The following CALU variants were observed in gnomAD, a reference collection of about 807,000 sequenced individuals.
CALU encodes the protein calumenin.
Under a neutral mutation model 37.5 loss-of-function variants are expected in CALU, and 13 were observed. The observed-to-expected ratio is 0.35, with a 90% CI of 0.23 to 0.55. The LOEUF (loss-of-function observed/expected upper bound fraction) is 0.55. Ranked by LOEUF, CALU falls within the 20% of genes least tolerant of loss-of-function variation. The pLI is 0.89. For synonymous variants in CALU, 114 were observed against 133.8 expected (o/e 0.85, Z 1.02); for missense variants, 282 against 391.7 (o/e 0.72, Z 2.36).
rs763463415 is a variant in CALU, at chr7:128,767,548, G to A, written c.736G>A (p.Asp246Asn). The A allele has an allele frequency of 2.5e-6, 4 of 1,614,050 alleles. No homozygotes were observed. Among genetic ancestry groups the A allele is most frequent in the Non-Finnish European group, 3.4e-6 (4 of 1,179,888 alleles). ...QFVEFRDKNR[D>N]GKMDKEETKD... is the part of the protein sequence containing the mutation. ...TGTTGAGTTTCGGGATAAGAACCGT[G>A]ATGGGAAGATGGACAAGGAAGAGAC... The change falls in exon 6 of 7, where the codon GAT becomes AAT. Residue 246 changes from aspartate (D) to asparagine (N), a missense_variant. Coordinates refer to ENST00000249364, the MANE Select transcript of CALU (RefSeq NM_001219.5).
In CALU at chr7:128,769,103, A is replaced by G; in HGVS notation, c.884A>G (p.Asp295Gly). 1 of 1,613,330 alleles carries G rather than the reference A, an allele frequency of 6.2e-7. No individual in the cohort carries two copies. The highest frequency in any genetic ancestry group is 8.5e-7 in the Non-Finnish European group (1 of 1,179,340). Residue 295 changes from aspartate to glycine, a missense_variant, in exon 7 of 7, where the codon GAC (aspartate) becomes GGC (glycine). Transcript: ENST00000249364. ...LTKEEIVDKY[D>G]LFVGSQATDF... ...AAGGAGGAGATCGTTGACAAGTATG[A>G]CTTATTTGTTGGCAGCCAGGCCACA...
intron 3 of CALU, among the ~76,000 whole-genome samples, chr7:128,757,358 A>AGTGT (rs10638444): frequency 0.2 from 29,717 of 146,052 alleles, 3,161 homozygotes; most frequent in African/African-American, 0.28. Flanking sequence ...TATGGCTTTG[A>AGTGT]GTGTGTGTGT....
intron 1 of CALU, among the ~76,000 whole-genome samples, chr7:128,741,969 TTTC>T (rs1800259106): frequency 6.6e-6 from 1 of 152,226 alleles, no homozygotes; most frequent in Non-Finnish European, 1.5e-5. Context: ...TCTCAGGGTT[TTTC>T]TTCTGCAGCC....
chr7:128,769,232 ATTGT>A lies in CALU; in HGVS notation c.*69_*72del. The A allele has an allele frequency of 4.5e-6, 4 of 885,008 alleles. No individual in the cohort carries two copies. Among genetic ancestry groups the A allele is most frequent in the Non-Finnish European group, 5.4e-6 (3 of 553,932 alleles). The allele number at this position is 885,008 out of a possible 1,614,324, so 54.8% of individuals were successfully genotyped here. ...TTTACAGCTTCTGGTTTCACATGAA[ATTGT>A]TTGCGCTACTGAGACTGTTACTACA... On this transcript the variant is annotated 3_prime_UTR_variant, in exon 7 of 7. Transcript: ENST00000249364.
rs1562882906 is a variant in CALU at position 128,767,547 on chromosome 7, T to C, written c.735T>C (p.Arg245=). 6.2e-7 allele frequency: 1 copy of C among 1,613,960 alleles called. No homozygotes were observed. The highest frequency in any genetic ancestry group is 1.7e-5 in the Admixed American group (1 of 60,014). The change falls in exon 6 of 7, where the codon CGT becomes CGC. Residue 245 remains arginine, a synonymous_variant. Coordinates refer to ENST00000249364, the MANE Select transcript of CALU (RefSeq NM_001219.5). ...EQFVEFRDKN[R]DGKMDKEETK... is the part of the protein sequence containing the mutation. ...TTGTTGAGTTTCGGGATAAGAACCG[T>C]GATGGGAAGATGGACAAGGAAGAGA...
In CALU at chr7:128,748,814, C is replaced by A. The variant is rs770774637; in HGVS notation, c.221+10C>A. 6.3e-7 allele frequency: 1 copy of A among 1,579,708 alleles called. No individual in the cohort carries two copies. Among genetic ancestry groups the A allele is most frequent in the South Asian group, 1.1e-5 (1 of 90,362 alleles). ...GCAAGGAAAGGCTTGGGTAAGGTAC[C>A]ACCTCTCAGGGGTCTAGTGTGGGTA... On this transcript the variant is annotated intron_variant, in intron 2 of 6. Coordinates refer to ENST00000249364, the MANE Select transcript of CALU (RefSeq NM_001219.5).
chr7:128,741,171 T>C (rs987605266), intron 1 of CALU, among the ~76,000 whole-genome samples: 17 of 152,346 alleles, frequency 1.1e-4, no homozygotes, highest in Admixed American at 2.6e-4. Context: ...AACTCTTAAG[T>C]ATGGATGTTG....
intron 3 of CALU, among the ~76,000 whole-genome samples, chr7:128,756,008 C>T (rs1373881801): frequency 6.6e-6 from 1 of 152,164 alleles, no homozygotes; most frequent in Non-Finnish European, 1.5e-5. Flanking sequence ...GGCTTGTTCT[C>T]ATTCCTAAGA....
intron 4 of CALU, 113 bp downstream of exon 4, chr7:128,759,150 C>T: frequency 1.4e-6 from 1 of 734,588 alleles, no homozygotes; most frequent in Non-Finnish European, 2.2e-6. Flanking sequence ...TGCTATATAG[C>T]ATATCACTGT....
Position 128,771,199 on chromosome 7 carries a change from A to G in CALU, c.*2032A>G, listed in dbSNP as rs1299575219. 1 of 152,460 alleles carries G rather than the reference A, an allele frequency of 6.6e-6. No individual in the cohort carries two copies. The highest frequency in any genetic ancestry group is 1.5e-5 in the Non-Finnish European group (1 of 68,058). The allele number at this position is 152,460 out of a possible 1,614,324, so 9.4% of individuals were successfully genotyped here. Reference sequence around the variant, plus strand: ...CAGAGAGCCCAGGCCTTATGTTAAAATCATGCACTTGAAAAGCAAACCTTA... The same window carrying G: ...CAGAGAGCCCAGGCCTTATGTTAAAGTCATGCACTTGAAAAGCAAACCTTA... On this transcript the variant is annotated 3_prime_UTR_variant, in exon 7 of 7. Transcript: ENST00000249364.
chr7:128,755,309 C>CAAAAAAAAAAAA (rs59208090), intron 3 of CALU, among the ~76,000 whole-genome samples: 2 of 51,526 alleles, frequency 3.9e-5, no homozygotes, highest in African/African-American at 6.0e-5. Flanking sequence ...GAGCTCTGTC[C>CAAAAAAAAAAAA]AAAAAAAAAA....
intron 1 of CALU, among the ~76,000 whole-genome samples, chr7:128,739,690 T>C (rs1207515828): frequency 6.6e-6 from 1 of 152,124 alleles, no homozygotes; most frequent in Non-Finnish European, 1.5e-5. Flanking sequence ...CGTTGGGTAC[T>C]GTTCTGTGCC....
In CALU at chr7:128,751,662, G is replaced by C. The variant is rs1019343933; in HGVS notation, c.222-2600G>C. ...GGATCCCTTCAGCCGGGAAGGGCAA[G>C]GCTACAGTGAGCTGTAATTGTACCA... On this transcript the variant is annotated intron_variant, in intron 2 of 6. Coordinates refer to ENST00000249364, the MANE Select transcript of CALU (RefSeq NM_001219.5). Among the ~76,000 whole-genome samples, 10 of 152,280 alleles carry C rather than the reference G, an allele frequency of 6.6e-5. 1 individual carries two copies. In the South Asian group the frequency reaches 1.5e-3, roughly 22 times the overall value.
intron 1 of CALU, chr7:128,747,772 G>C (rs1391434714): frequency 6.6e-6 from 1 of 152,342 alleles, no homozygotes; most frequent in African/African-American, 2.4e-5. Flanking sequence ...AAGTGTTCCA[G>C]CTTTGTGCTT....
At chr7:128,767,262 T>C (rs1463422777) in intron 5 of CALU, among the ~76,000 whole-genome samples, 194 bp from the exon 6 acceptor site, 2 of 152,218 alleles carry the variant, frequency 1.3e-5, no homozygotes, top group Admixed American at 1.3e-4. Flanking sequence ...GCTGGAAATA[T>C]TCTTGTTGCA....
At chr7:128,754,805 C>T (rs1427945589) in intron 3 of CALU, 1 of 766,110 alleles carries the variant, frequency 1.3e-6, no homozygotes, top group African/African-American at 1.8e-5. Context: ...GGAAAGGAAG[C>T]TTATCTTAAA....
intron 6 of CALU, 128 bp from the exon 7 acceptor site, chr7:128,768,935 G>C (rs920781156): frequency 1.7e-6 from 1 of 580,686 alleles, no homozygotes; most frequent in African/African-American, 1.9e-5. Flanking sequence ...GGGCTGAGTA[G>C]TTCACACTTA....
chr7:128,766,748 C>A (rs890793971), intron 5 of CALU, among the ~76,000 whole-genome samples: 1 of 152,212 alleles, frequency 6.6e-6, no homozygotes, highest in East Asian at 1.9e-4. Context: ...TGAGCCACCA[C>A]GCCCATCCAG....
At chr7:128,754,553 G>T (rs151188778) in intron 3 of CALU, 98 bp downstream of exon 3, 1 of 1,555,812 alleles carries the variant, frequency 6.4e-7, no homozygotes, top group African/African-American at 1.4e-5. Context: ...AAATAGACGC[G>T]GATAAAGATG....
Sources: allele counts gnomAD v4.1 joint callset (sites outside exome capture counted in the v4.1 genomes callset), GRCh38; gene constraint gnomAD v4.1.1; transcripts MANE v1.5; gene names NCBI Gene and HGNC (gene_info 2026-07-23, HGNC 2026-07-21).